The following ASIC2 variants were observed in gnomAD, a reference collection of about 807,000 sequenced individuals.
The protein encoded by ASIC2 is acid sensing ion channel subunit 2.
In ASIC2, 25 loss-of-function variants were observed where a neutral mutation model predicts 57.3. That is an observed-to-expected ratio of 0.44 (90% CI 0.32 to 0.61). The LOEUF is 0.61. Ranked by LOEUF, ASIC2 falls within the 20% of genes least tolerant of loss-of-function variation. The pLI, the probability that ASIC2 is intolerant of heterozygous loss-of-function variation, is 0.06. For missense variants in ASIC2, 641 were observed against 738.1 expected (o/e 0.87, Z 1.52); for synonymous variants, 319 against 307.5 (o/e 1.04, Z -0.39).
chr17:33,125,610 T>C (rs2092320004), intron 1 of ASIC2, among the ~76,000 whole-genome samples: 1 of 152,220 alleles, frequency 6.6e-6, no homozygotes, highest in Admixed American at 6.5e-5. Context: ...CAACCTCAGG[T>C]AGTTCATGAG....
chr17:33,325,035 G>A, intron 1 of ASIC2, among the ~76,000 whole-genome samples: 1 of 152,196 alleles, frequency 6.6e-6, no homozygotes, highest in East Asian at 1.9e-4. Context: ...CTCTGTGCTT[G>A]ATGCTTTCCG....
At chr17:33,399,876 T>TA (rs1304297122) in intron 1 of ASIC2, among the ~76,000 whole-genome samples, 1 of 152,196 alleles carries the variant, frequency 6.6e-6, no homozygotes, top group African/African-American at 2.4e-5. Flanking sequence ...ACATAGCACT[T>TA]AAAACCTCAT....
At chr17:33,199,141 C>T (rs1353421082) in intron 1 of ASIC2, among the ~76,000 whole-genome samples, 2 of 152,172 alleles carry the variant, frequency 1.3e-5, no homozygotes, top group Non-Finnish European at 2.9e-5. Flanking sequence ...GCACTGTGGG[C>T]TGATAACCAT....
intron 1 of ASIC2, among the ~76,000 whole-genome samples, chr17:33,950,885 C>T (rs1438680602): frequency 7.2e-5 from 11 of 151,772 alleles, no homozygotes; most frequent in Admixed American, 6.6e-4. Flanking sequence ...GGCACCAGCT[C>T]AGTGGTGGCT....
chr17:33,310,070 T>A (rs1906345083), intron 1 of ASIC2, among the ~76,000 whole-genome samples: 1 of 151,684 alleles, frequency 6.6e-6, no homozygotes, highest in African/African-American at 2.4e-5. Flanking sequence ...CCCTGTAATA[T>A]TAATACTCCG....
At position 33,853,211 on chromosome 17, in the gene ASIC2, T is replaced by C. The variant is rs554639503; in HGVS notation, c.555+302767A>G. On this transcript the variant is annotated intron_variant, in intron 1 of 9. Coordinates refer to the ASIC2 transcript ENST00000359872. ...TAGGACTTTGTTAGACACCCTGGAG[T>C]GTATTTACATCCTAAGGAGGGAGAG... Among the ~76,000 whole-genome samples, 89 of 152,116 alleles carry C rather than the reference T, an allele frequency of 5.9e-4. No individual in the cohort carries two copies. In the South Asian group the frequency reaches 0.019, roughly 32 times the overall value.
chr17:33,357,648 C>T (rs763198954), intron 1 of ASIC2, among the ~76,000 whole-genome samples: 2 of 152,116 alleles, frequency 1.3e-5, no homozygotes, highest in Non-Finnish European at 2.9e-5. Context: ...ATAAATCTCC[C>T]ACATGTATTA....
At chr17:33,530,116 C>A (rs1915005283) in intron 1 of ASIC2, 1 of 152,208 alleles carries the variant, frequency 6.6e-6, no homozygotes, top group South Asian at 2.1e-4. Context: ...GTGCCTGGGG[C>A]TTCCAAGTCC....
At chr17:33,486,359 C>G (rs137978482) in intron 1 of ASIC2, among the ~76,000 whole-genome samples, 36 of 152,302 alleles carry the variant, frequency 2.4e-4, no homozygotes, top group African/African-American at 7.7e-4. Flanking sequence ...AGAGAGTTAG[C>G]TTTTGAACCA....
chr17:33,831,576 T>C (rs1365209948), intron 1 of ASIC2, among the ~76,000 whole-genome samples: 1 of 133,136 alleles, frequency 7.5e-6, no homozygotes, highest in Non-Finnish European at 1.7e-5. Context: ...CTTTCTCTGA[T>C]CTGAAGTAAA....
chr17:33,357,832 A>C (rs1180525524), intron 1 of ASIC2, among the ~76,000 whole-genome samples: 1 of 152,210 alleles, frequency 6.6e-6, no homozygotes, highest in East Asian at 1.9e-4. Flanking sequence ...TCTATTTGCT[A>C]TGATGGCCTA....
chr17:33,344,566 T>C (rs1907871147), intron 1 of ASIC2, among the ~76,000 whole-genome samples: 1 of 152,162 alleles, frequency 6.6e-6, no homozygotes. Context: ...CTCCCTGGGC[T>C]TCAGTTTCCT....
intron 1 of ASIC2, among the ~76,000 whole-genome samples, chr17:33,232,256 C>G (rs1908119603): frequency 6.6e-6 from 1 of 152,144 alleles, no homozygotes; most frequent in Non-Finnish European, 1.5e-5. Flanking sequence ...AGGAGGCCCT[C>G]TGCAAGCCAG....
intron 1 of ASIC2, among the ~76,000 whole-genome samples, chr17:33,567,583 CG>C (rs1916278437): frequency 6.6e-6 from 1 of 152,072 alleles, no homozygotes; most frequent in African/African-American, 2.4e-5. Context: ...GAGGGAGAAG[CG>C]TGGCAGGCCT....
chr17:33,174,234 C>A (rs1905647349), intron 1 of ASIC2, among the ~76,000 whole-genome samples: 2 of 151,950 alleles, frequency 1.3e-5, no homozygotes, highest in African/African-American at 4.8e-5. Flanking sequence ...CTAGCTTGAC[C>A]AACATGGTAA....
chr17:33,864,332 C>T (rs1437379159), intron 1 of ASIC2, among the ~76,000 whole-genome samples: 1 of 151,972 alleles, frequency 6.6e-6, no homozygotes, highest in Non-Finnish European at 1.5e-5. Flanking sequence ...TAAATAATAG[C>T]GTAGGAAGCA....
At chr17:33,998,555 T>C (rs1429003222) in intron 1 of ASIC2, among the ~76,000 whole-genome samples, 1 of 152,158 alleles carries the variant, frequency 6.6e-6, no homozygotes, top group African/African-American at 2.4e-5. Flanking sequence ...CCATAAGTTT[T>C]GGTATGTTGT....
At chr17:33,518,469 C>A (rs1020513869) in intron 1 of ASIC2, among the ~76,000 whole-genome samples, 1 of 152,176 alleles carries the variant, frequency 6.6e-6, no homozygotes, top group African/African-American at 2.4e-5. Context: ...GGCTGGGGCA[C>A]CATGAGCACT....
At chr17:33,960,746 A>T (rs569097257) in intron 1 of ASIC2, among the ~76,000 whole-genome samples, 60 of 152,188 alleles carry the variant, frequency 3.9e-4, no homozygotes, top group Non-Finnish European at 5.7e-4. Flanking sequence ...AAGTCCTACG[A>T]TTCCTTCAAT....
Sources: allele counts gnomAD v4.1 joint callset (sites outside exome capture counted in the v4.1 genomes callset), GRCh38; gene constraint gnomAD v4.1.1; transcripts MANE v1.5; gene names NCBI Gene and HGNC (gene_info 2026-07-23, HGNC 2026-07-21).